The following GPM6B variants were observed in gnomAD, a reference collection of about 807,000 sequenced individuals.
GPM6B encodes neuronal membrane glycoprotein M6-b.
Under a neutral mutation model 27.2 loss-of-function variants are expected in GPM6B, and 4 were observed. The observed-to-expected ratio is 0.15, with a 90% confidence interval of 0.07 to 0.34. GPM6B has a LOEUF of 0.34. Ranked by LOEUF, GPM6B falls within the 10% of genes least tolerant of loss-of-function variation. The pLI, the probability that GPM6B is intolerant of heterozygous loss-of-function variation, is 1.00. For synonymous variants in GPM6B, 124 were observed against 103.1 expected, an observed-to-expected ratio of 1.20 and a Z score of -1.23; for missense variants, 183 against 261.9, an observed-to-expected ratio of 0.70 and a Z score of 2.08.
intron 2 of GPM6B, among the ~76,000 whole-genome samples, chrX:13,795,742 C>CTTTTTTTT (rs146240939): frequency 1.2e-5 from 1 of 82,796 alleles, no homozygotes; most frequent in Non-Finnish European, 2.3e-5. Context: ...AATTTCTTTT[C>CTTTTTTTT]TTTTTTTTTT....
At chrX:13,847,709 A>G (rs1356907542) in intron 1 of GPM6B, among the ~76,000 whole-genome samples, 5 of 112,232 alleles carry the variant, frequency 4.5e-5, no homozygotes, top group African/African-American at 1.6e-4. Context: ...CACTAGCCTA[A>G]TAGCCTAGTC....
intron 1 of GPM6B, among the ~76,000 whole-genome samples, chrX:13,877,666 A>AC (rs1191918389): frequency 1.9e-5 from 2 of 105,848 alleles, no homozygotes; most frequent in Non-Finnish European, 3.9e-5. Context: ...TACAAAAAAA[A>AC]CCCCTGAAAA....
At chrX:13,830,474 CCTTA>C (rs1341100189) in intron 1 of GPM6B, among the ~76,000 whole-genome samples, 5 of 112,363 alleles carry the variant, frequency 4.4e-5, no homozygotes, top group African/African-American at 1.6e-4. Context: ...TTCAGTTCTT[CCTTA>C]CTTACTAGCA....
At chrX:13,834,800 A>T (rs2049477925) in intron 1 of GPM6B, among the ~76,000 whole-genome samples, 1 of 112,207 alleles carries the variant, frequency 8.9e-6, no homozygotes, top group Non-Finnish European at 1.9e-5. Flanking sequence ...GAAGGCAGCA[A>T]CAGTGGTACA....
At chrX:13,776,961 A>G (rs1569182779) in intron 6 of GPM6B, among the ~76,000 whole-genome samples, 1 of 111,784 alleles carries the variant, frequency 8.9e-6, no homozygotes, top group Non-Finnish European at 1.9e-5. Context: ...GGACTCCTCT[A>G]TGAAAATTAA....
chrX:13,858,484 C>T (rs2049806651), intron 1 of GPM6B, among the ~76,000 whole-genome samples: 2 of 111,563 alleles, frequency 1.8e-5, no homozygotes, highest in Non-Finnish European at 3.8e-5. Context: ...CGTCACTAAA[C>T]TCAGAATTGG....
intron 1 of GPM6B, among the ~76,000 whole-genome samples, chrX:13,908,016 A>C (rs994013369): frequency 8.9e-6 from 1 of 112,181 alleles, no homozygotes; most frequent in African/African-American, 3.2e-5. Flanking sequence ...GAAACCACTT[A>C]ATGTGTTGGC....
intron 1 of GPM6B, among the ~76,000 whole-genome samples, chrX:13,921,910 G>T (rs1411631831): frequency 9.0e-6 from 1 of 111,668 alleles, no homozygotes; most frequent in Admixed American, 9.5e-5. Flanking sequence ...AGGTTAAGGG[G>T]TATTACATGC....
intron 2 of GPM6B, among the ~76,000 whole-genome samples, chrX:13,789,837 T>C (rs1159311572): frequency 9.9e-6 from 1 of 101,108 alleles, no homozygotes; most frequent in East Asian, 3.0e-4. Flanking sequence ...AGCCACTGCG[T>C]TTTTTTTTTG....
intron 1 of GPM6B, among the ~76,000 whole-genome samples, chrX:13,919,690 ATAAAT>A (rs1456150429): frequency 2.7e-5 from 3 of 112,521 alleles, no homozygotes; most frequent in Admixed American, 9.5e-5. Context: ...TTTATGAAAT[ATAAAT>A]TAAATGACAG....
In GPM6B at chrX:13,774,085, A is replaced by G. The variant is rs980691268; in HGVS notation, c.838-1055T>C. The G allele has an allele frequency of 9.3e-6, 7 of 749,561 alleles. No individual in the cohort carries two copies. The African/African-American group carries it at 1.7e-4, about 18-fold the overall frequency. 61.8% of individuals were successfully genotyped at this position (749,561 alleles called of 1,213,427 possible). On this transcript the variant is annotated intron_variant, in intron 7 of 7. Transcript: ENST00000316715. ...AAAAAAATTGTTTTCAATTTAGAAC[A>G]TATTTGCAAAGTATTTTCCAGGTGT...
At chrX:13,836,278 C>T (rs1412870042) in intron 1 of GPM6B, among the ~76,000 whole-genome samples, 1 of 111,418 alleles carries the variant, frequency 9.0e-6, no homozygotes, top group African/African-American at 3.3e-5. Context: ...GATTCTAATG[C>T]TAAAGCATGC....
intron 1 of GPM6B, among the ~76,000 whole-genome samples, chrX:13,857,732 A>G (rs1056880823): frequency 3.8e-4 from 43 of 112,725 alleles, no homozygotes; most frequent in African/African-American, 1.4e-3. Context: ...TAAAACTGAA[A>G]TTGCCTAATT....
intron 1 of GPM6B, among the ~76,000 whole-genome samples, chrX:13,887,673 T>G (rs1034112570): frequency 2.7e-5 from 3 of 111,703 alleles, no homozygotes; most frequent in Non-Finnish European, 5.6e-5. Flanking sequence ...AATACAGCCA[T>G]TTGCAATGGA....
At chrX:13,812,121 C>T (rs1196266629) in intron 1 of GPM6B, among the ~76,000 whole-genome samples, 3 of 99,378 alleles carry the variant, frequency 3.0e-5, no homozygotes, top group Non-Finnish European at 6.0e-5. Context: ...ACTATCTCGG[C>T]TCACTGCAAC....
At chrX:13,839,442 C>T (rs1309499778) in intron 1 of GPM6B, among the ~76,000 whole-genome samples, 1 of 111,639 alleles carries the variant, frequency 9.0e-6, no homozygotes, top group Admixed American at 9.5e-5. Flanking sequence ...TGCCTTGGGC[C>T]GTGGTCACTC....
intron 1 of GPM6B, among the ~76,000 whole-genome samples, chrX:13,926,031 G>T (rs1921164190): frequency 9.6e-6 from 1 of 104,699 alleles, no homozygotes; most frequent in Admixed American, 1.0e-4. Context: ...CTCCAGCCTG[G>T]GCAACAGAGC....
At chrX:13,822,467 G>T (rs1316044241) in intron 1 of GPM6B, among the ~76,000 whole-genome samples, 1 of 110,650 alleles carries the variant, frequency 9.0e-6, no homozygotes, top group Non-Finnish European at 1.9e-5. Context: ...CCAGGTTCAA[G>T]CGATTCTCCT....
At chrX:13,845,415 C>A (rs1478024236) in intron 1 of GPM6B, among the ~76,000 whole-genome samples, 1 of 112,064 alleles carries the variant, frequency 8.9e-6, no homozygotes, top group African/African-American at 3.2e-5. Context: ...AATGAAATGG[C>A]CTTCCATATA....
Sources: gnomAD v4.1 joint callset for allele counts (sites outside exome capture counted in the v4.1 genomes callset) on GRCh38, gnomAD v4.1.1 for gene constraint, MANE v1.5 for transcripts, NCBI Gene and HGNC (gene_info 2026-07-23, HGNC 2026-07-21) for gene names.